STON1: variants seen among roughly 807,000 people sequenced by gnomAD.
STON1 encodes stonin-1.
A neutral mutation model predicts 60.9 loss-of-function variants in STON1; 79 were observed. That is an observed-to-expected ratio of 1.30 (90% CI 1.08 to 1.56). The LOEUF is 1.56. Ranked by LOEUF, STON1 falls within the 40% of genes most tolerant of loss-of-function variation. The pLI is 0.00. For synonymous variants in STON1, 363 were observed against 306.9 expected, an observed-to-expected ratio of 1.18 and a Z score of -1.91; for missense variants, 1,166 against 858.9, an observed-to-expected ratio of 1.36 and a Z score of -4.47.
In STON1 at chr2:48,581,043, C is replaced by G. The variant is rs773954396; in HGVS notation, c.410C>G (p.Pro137Arg). The change falls in exon 2 of 4, where the codon CCC (proline) becomes CGC (arginine). Residue 137 changes from proline (P) to arginine (R), a missense_variant. Coordinates refer to ENST00000404752, the MANE Select transcript of STON1 (RefSeq NM_006873.4). ...RPTCLSHALL[P>R]SDHSCTHPTP... ...ACATGTTTATCCCATGCCTTGTTACCCAGTGACCACTCATGTACACATCCA... is the reference window on the plus strand; with the variant it reads ...ACATGTTTATCCCATGCCTTGTTACGCAGTGACCACTCATGTACACATCCA... 9.5e-6 allele frequency: 15 copies of G among 1,579,394 alleles called. No homozygotes were observed. Among genetic ancestry groups the G allele is most frequent in the Non-Finnish European group, 1.3e-5 (15 of 1,166,378 alleles).
At chr2:48,560,525 C>G (rs1377105475) in intron 1 of STON1, among the ~76,000 whole-genome samples, 1 of 152,194 alleles carries the variant, frequency 6.6e-6, no homozygotes, top group Non-Finnish European at 1.5e-5. Context: ...AGGTCTTTGC[C>G]TGAACGAAGC....
At chr2:48,589,258 C>T (rs139938979) in intron 2 of STON1, among the ~76,000 whole-genome samples, 1,726 of 152,214 alleles carry the variant, frequency 0.011, 12 homozygotes, top group African/African-American at 0.018. Context: ...TATTTTGGTT[C>T]AGGAGGGACT....
chr2:48,575,993 G>A (rs560304507), intron 1 of STON1, among the ~76,000 whole-genome samples: 1 of 151,212 alleles, frequency 6.6e-6, no homozygotes, highest in Non-Finnish European at 1.5e-5. Flanking sequence ...CCTGGTCTTA[G>A]GTGATCCACC....
intron 1 of STON1, among the ~76,000 whole-genome samples, chr2:48,541,766 T>C (rs909278444): frequency 4.7e-5 from 7 of 150,118 alleles, no homozygotes; most frequent in African/African-American, 1.5e-4. Context: ...TACATGTACA[T>C]TGGCTCCTGC....
intron 1 of STON1, among the ~76,000 whole-genome samples, chr2:48,541,344 C>T (rs148696270): frequency 6.7e-6 from 1 of 149,786 alleles, no homozygotes; most frequent in African/African-American, 2.5e-5. Context: ...CAGTGTGAGA[C>T]TCCATCTCAA....
At position 48,564,475 on chromosome 2, in the gene STON1, T is replaced by TC. The variant is rs1558604650; in HGVS notation, c.-47-16111dup. ...TTCTTCTTCTTCTTCTTCTTCTTCTTCTTCTTTCTTCTTCTTCTTCTTCTT... is the reference window on the plus strand; with the variant it reads ...TTCTTCTTCTTCTTCTTCTTCTTCTTCCTTCTTTCTTCTTCTTCTTCTTCTT... On this transcript the variant is annotated intron_variant, in intron 1 of 3. Coordinates refer to ENST00000404752, the MANE Select transcript of STON1 (RefSeq NM_006873.4). Among the ~76,000 whole-genome samples the TC allele has an allele frequency of 1.8e-3, 95 of 52,442 alleles. 2 individuals are homozygous for TC. Among genetic ancestry groups the TC allele is most frequent in the African/African-American group, 6.5e-3 (88 of 13,570 alleles). 34.4% of individuals were successfully genotyped at this position (52,442 alleles called of 152,430 possible). A position where few individuals can be genotyped will look rare whatever the true frequency, so the allele number is the denominator to read the frequency against.
intron 1 of STON1, among the ~76,000 whole-genome samples, chr2:48,534,739 G>A (rs529723998): frequency 2.6e-5 from 4 of 152,130 alleles, no homozygotes; most frequent in Non-Finnish European, 4.4e-5. Context: ...GCTATGTCAC[G>A]CTACTGCACT....
In STON1 at chr2:48,532,335, C is replaced by G. The variant is rs1382026215; in HGVS notation, c.-48+2119C>G. Among the ~76,000 whole-genome samples, 9 of 143,848 alleles carry G rather than the reference C, an allele frequency of 6.3e-5. No homozygotes were observed. In the South Asian group the frequency reaches 1.8e-3, roughly 28 times the overall value. 94.4% of individuals were successfully genotyped at this position (143,848 alleles called of 152,430 possible). ...CTGCACTCCATCCTGGGCGACACAG[C>G]AAGACTCTGTCTAAATAAATAAATA... On this transcript the variant is annotated intron_variant, in intron 1 of 3. Transcript: ENST00000404752.
intron 1 of STON1, among the ~76,000 whole-genome samples, chr2:48,558,762 C>T (rs1672491184): frequency 6.6e-6 from 1 of 152,202 alleles, no homozygotes; most frequent in Non-Finnish European, 1.5e-5. Flanking sequence ...GCCTTCCTTG[C>T]TCCTGAGCCA....
At chr2:48,559,287 A>G (rs1023590956) in intron 1 of STON1, among the ~76,000 whole-genome samples, 4 of 152,208 alleles carry the variant, frequency 2.6e-5, no homozygotes, top group African/African-American at 7.2e-5. Context: ...TGAGTAGCTT[A>G]TAAGAAGAGA....
In STON1 at chr2:48,582,344, C is replaced by A. The variant is rs1273639020; in HGVS notation, c.1711C>A (p.His571Asn). 5.6e-6 allele frequency: 9 copies of A among 1,614,220 alleles called. No homozygotes were observed. The highest frequency in any genetic ancestry group is 7.6e-6 in the Non-Finnish European group (9 of 1,180,036). Residue 571 changes from histidine (H) to asparagine (N), a missense_variant, in exon 2 of 4, where the codon CAC becomes AAC. Transcript: ENST00000404752. The part of the protein sequence containing the change: ...SLRSCDNIRI[H>N]FPVPSQWIKA... Reference sequence around the variant, plus strand: ...AAGGTCCTGTGACAATATAAGGATACACTTTCCTGTCCCATCGCAGTGGAT... The same window carrying A: ...AAGGTCCTGTGACAATATAAGGATAAACTTTCCTGTCCCATCGCAGTGGAT...
At chr2:48,549,045 G>A (rs982138060) in intron 1 of STON1, among the ~76,000 whole-genome samples, 7 of 152,198 alleles carry the variant, frequency 4.6e-5, no homozygotes, top group Middle Eastern at 3.4e-3. Context: ...TTCCCTCACC[G>A]CCTCTGTCTT....
Position 48,551,451 on chromosome 2 carries a change from C to A in STON1, c.-48+21235C>A, listed in dbSNP as rs946996122. On this transcript the variant is annotated intron_variant, in intron 1 of 3. Transcript: ENST00000404752. ...CCAAGCCCCTCTGACCCTGCCCCTG[C>A]CCCTGGCCTTGTCTTGTTGGCTCAG... 8.5e-5 allele frequency among the ~76,000 whole-genome samples: 13 copies of A among 152,248 alleles called. 1 individual carries two copies. The highest frequency in any genetic ancestry group is 2.4e-5 in the African/African-American group (1 of 41,456).
chr2:48,564,479 CTTTCTTCTT>C (rs1672785417), intron 1 of STON1, among the ~76,000 whole-genome samples: 4 of 25,182 alleles, frequency 1.6e-4, no homozygotes, highest in African/African-American at 4.3e-4. Context: ...TCTTCTTCTT[CTTTCTTCTT>C]CTTCTTCTTC....
At chr2:48,576,195 T>C (rs1040946797) in intron 1 of STON1, among the ~76,000 whole-genome samples, 3 of 123,960 alleles carry the variant, frequency 2.4e-5, no homozygotes, top group African/African-American at 6.1e-5. Context: ...CTTTTTTTTT[T>C]TTTTTTTTTT....
At chr2:48,550,926 A>C (rs1399672132) in intron 1 of STON1, among the ~76,000 whole-genome samples, 2 of 152,054 alleles carry the variant, frequency 1.3e-5, no homozygotes, top group Non-Finnish European at 2.9e-5. Context: ...CTAAGTGAGC[A>C]ATTGTATGGT....
At chr2:48,569,356 T>C (rs1221610924) in intron 1 of STON1, among the ~76,000 whole-genome samples, 1 of 152,212 alleles carries the variant, frequency 6.6e-6, no homozygotes, top group African/African-American at 2.4e-5. Flanking sequence ...GAAAAGACCA[T>C]TTAAAATTAT....
intron 1 of STON1, among the ~76,000 whole-genome samples, chr2:48,555,312 C>CG (rs562013562): frequency 8.4e-5 from 1 of 11,876 alleles, no homozygotes; most frequent in African/African-American, 3.2e-4. Context: ...GCTGGCCGGG[C>CG]GGGGGGGGCT....
intron 1 of STON1, among the ~76,000 whole-genome samples, chr2:48,545,348 C>T (rs1671824353): frequency 6.6e-6 from 1 of 152,198 alleles, no homozygotes; most frequent in Non-Finnish European, 1.5e-5. Flanking sequence ...TATTGGCCTC[C>T]TCTGCACCCA....
Sources: allele counts gnomAD v4.1 joint callset (sites outside exome capture counted in the v4.1 genomes callset), GRCh38; gene constraint gnomAD v4.1.1; transcripts MANE v1.5; gene names NCBI Gene and HGNC (gene_info 2026-07-23, HGNC 2026-07-21).